The following ANO2 variants were observed in gnomAD, a reference collection of about 807,000 sequenced individuals.
ANO2 encodes the protein anoctamin-2.
In ANO2, 101 loss-of-function variants were observed where a neutral mutation model predicts 124.2. The observed-to-expected ratio is 0.81, with a 90% CI of 0.69 to 0.96. The LOEUF (loss-of-function observed/expected upper bound fraction) is 0.96. Ranked by LOEUF, ANO2 falls within the 40% of genes least tolerant of loss-of-function variation. The pLI is 0.00. For synonymous variants in ANO2, 486 were observed against 482.5 expected (o/e 1.01, Z -0.09); for missense variants, 1,293 against 1,274.5 (o/e 1.01, Z -0.22).
At chr12:5,730,831 TC>T (rs1341193652) in intron 14 of ANO2, among the ~76,000 whole-genome samples, 1 of 152,028 alleles carries the variant, frequency 6.6e-6, no homozygotes, top group Non-Finnish European at 1.5e-5. Flanking sequence ...GAAGGTCATT[TC>T]CCCCCAGTGC....
chr12:5,666,750 C>T (rs1183450176), intron 14 of ANO2, among the ~76,000 whole-genome samples: 4 of 152,114 alleles, frequency 2.6e-5, no homozygotes, highest in African/African-American at 9.7e-5. Flanking sequence ...CCAAAGAGCG[C>T]CTTTGCAGCA....
In ANO2 at chr12:5,577,999, A is replaced by G; in HGVS notation, c.2395T>C (p.Phe799Leu). Residue 799 changes from phenylalanine (F) to leucine (L), a missense_variant, in exon 22 of 25, where the codon TTT becomes CTT. Transcript: ENST00000682330. ...TTGCCAATTCCAGAGAGAATGTCAA[A>G]CCAGATTCCTACAAGACAGAAAAGA... ...AVRTKDIGIWFDILSGIGKFS... is the reference protein window; with the variant it reads ...AVRTKDIGIWLDILSGIGKFS... 1 of 1,613,826 alleles carries G rather than the reference A, an allele frequency of 6.2e-7. No homozygotes were observed. The highest frequency in any genetic ancestry group is 8.5e-7 in the Non-Finnish European group (1 of 1,179,782).
chr12:5,658,782 TATC>T lies in ANO2; in HGVS notation c.1546-10984_1546-10982del, dbSNP rs920787877. Among the ~76,000 whole-genome samples, 2 of 151,882 alleles carry T rather than the reference TATC, an allele frequency of 1.3e-5. No homozygotes were observed. Among genetic ancestry groups the T allele is most frequent in the Non-Finnish European group, 2.9e-5 (2 of 68,000 alleles). ...ATTAAATCATCATCAGCATCAATAT[TATC>T]ATTGTCATCAATATCATCATCATCA... On this transcript the variant is annotated intron_variant, in intron 14 of 24. Transcript: ENST00000682330. This position sits in a 1 kb window ranked among gnomAD's most constrained non-coding sequence, Gnocchi z 4.3.
intron 16 of ANO2, among the ~76,000 whole-genome samples, chr12:5,623,595 G>T (rs989731023): frequency 6.6e-6 from 1 of 152,094 alleles, no homozygotes; most frequent in African/African-American, 2.4e-5. Flanking sequence ...GCCAGCTCAG[G>T]ACTGAAAGTC....
In ANO2 at chr12:5,846,958, T is replaced by C. The variant is rs12313143; in HGVS notation, c.633+7085A>G. Among the ~76,000 whole-genome samples, 1,281 of 152,350 alleles carry C rather than the reference T, an allele frequency of 8.4e-3. 22 individuals carry two copies. Among genetic ancestry groups the C allele is most frequent in the African/African-American group, 0.028 (1,153 of 41,568 alleles). ...ATTCATTCCCTAACAAAGAGGATTATTGACTTGGAAAGTACAAGCCTTGTG... is the reference window on the plus strand; with the variant it reads ...ATTCATTCCCTAACAAAGAGGATTACTGACTTGGAAAGTACAAGCCTTGTG... On this transcript the variant is annotated intron_variant, in intron 4 of 24. Transcript: ENST00000682330.
In ANO2 at chr12:5,636,706, A is replaced by G. The variant is rs947274303; in HGVS notation, c.1621-1359T>C. ...GGTAAGAGGAGGGGAGGAGAGGCACAGGAGGAAAGGGGAGGGGAAGTGGGG... is the reference window on the plus strand; with the variant it reads ...GGTAAGAGGAGGGGAGGAGAGGCACGGGAGGAAAGGGGAGGGGAAGTGGGG... On this transcript the variant is annotated intron_variant, in intron 15 of 24. Coordinates refer to ENST00000682330, the MANE Select transcript of ANO2 (RefSeq NM_001364791.2). The surrounding 1 kb of genome is among the most constrained non-coding windows in gnomAD (Gnocchi z 4.6). Among the ~76,000 whole-genome samples the G allele has an allele frequency of 2.0e-5, 3 of 150,786 alleles. No homozygotes were observed. Among genetic ancestry groups the G allele is most frequent in the Middle Eastern group, 3.2e-3 (1 of 316 alleles).
At chr12:5,850,712 C>T (rs769182125) in intron 4 of ANO2, among the ~76,000 whole-genome samples, 6 of 152,076 alleles carry the variant, frequency 3.9e-5, no homozygotes, top group East Asian at 1.9e-4. Flanking sequence ...CTGTGATTGT[C>T]GGCACCCTGA....
At chr12:5,832,190 G>A (rs1954173133) in intron 5 of ANO2, among the ~76,000 whole-genome samples, 1 of 152,200 alleles carries the variant, frequency 6.6e-6, no homozygotes, top group Admixed American at 6.5e-5. Flanking sequence ...CTGCTCCCTG[G>A]TTTGCCCTCC....
At chr12:5,852,891 G>GTGT (rs1190174724) in intron 4 of ANO2, among the ~76,000 whole-genome samples, 7 of 139,576 alleles carry the variant, frequency 5.0e-5, no homozygotes, top group African/African-American at 8.1e-5. Flanking sequence ...GTGTGTGTGT[G>GTGT]GTGTATATGA....
At chr12:5,612,121 A>T (rs972361643) in intron 19 of ANO2, among the ~76,000 whole-genome samples, 3 of 152,208 alleles carry the variant, frequency 2.0e-5, no homozygotes, top group Admixed American at 2.0e-4. Context: ...TTTCATGACT[A>T]TCTAAATGCA....
chr12:5,683,974 AC>A (rs1300935649), intron 14 of ANO2, among the ~76,000 whole-genome samples: 1 of 152,150 alleles, frequency 6.6e-6, no homozygotes, highest in African/African-American at 2.4e-5. Flanking sequence ...CCTGGGTAGC[AC>A]AGTGTCCCAA....
At chr12:5,739,859 C>T in intron 12 of ANO2, 3 of 456,176 alleles carry the variant, frequency 6.6e-6, no homozygotes, top group South Asian at 4.7e-5. Context: ...TCATTTGGGC[C>T]CTAATCATCT....
At chr12:5,901,044 G>T (rs534140409) in intron 3 of ANO2, among the ~76,000 whole-genome samples, 23 of 152,122 alleles carry the variant, frequency 1.5e-4, no homozygotes, top group Non-Finnish European at 2.2e-4. Context: ...TCCCATTCCC[G>T]ACACGCTTTG....
At chr12:5,929,920 C>T (rs373241618) in intron 1 of ANO2, among the ~76,000 whole-genome samples, 2 of 135,338 alleles carry the variant, frequency 1.5e-5, no homozygotes, top group Admixed American at 7.4e-5. Context: ...TACTAGTCTA[C>T]CTTCTTTCCT....
intron 10 of ANO2, among the ~76,000 whole-genome samples, chr12:5,796,065 G>T (rs994588845): frequency 9.2e-5 from 14 of 152,064 alleles, no homozygotes; most frequent in Admixed American, 9.2e-4. Context: ...CTGGATTGGG[G>T]TGCACTCACT....
intron 4 of ANO2, among the ~76,000 whole-genome samples, chr12:5,853,440 C>T (rs1253572405): frequency 4.0e-5 from 6 of 151,878 alleles, no homozygotes; most frequent in African/African-American, 4.8e-5. Context: ...CTGATGAGAA[C>T]GTCATTCCAT....
chr12:5,828,244 G>T (rs1000855710), intron 6 of ANO2, among the ~76,000 whole-genome samples: 11 of 152,174 alleles, frequency 7.2e-5, no homozygotes, highest in Admixed American at 6.5e-4. Context: ...TCTGTCTGGC[G>T]GGTCCCGGGG....
chr12:5,566,481 G>A (rs1481280635), intron 23 of ANO2, among the ~76,000 whole-genome samples: 1 of 152,080 alleles, frequency 6.6e-6, no homozygotes, highest in Non-Finnish European at 1.5e-5. Flanking sequence ...CTGGAAAAAT[G>A]ACAAGGGGCT....
chr12:5,684,936 T>C (rs1192682592), intron 14 of ANO2, among the ~76,000 whole-genome samples: 7 of 152,192 alleles, frequency 4.6e-5, no homozygotes, highest in Admixed American at 1.3e-4. Flanking sequence ...TGACCTGTTT[T>C]GGTGAGCTGC....
Sources: allele counts gnomAD v4.1 joint callset (sites outside exome capture counted in the v4.1 genomes callset), GRCh38; gene constraint gnomAD v4.1.1; non-coding constraint Gnocchi (gnomAD v3.1); transcripts MANE v1.5; gene names NCBI Gene and HGNC (gene_info 2026-07-23, HGNC 2026-07-21).